NPAS3: variants seen among roughly 807,000 people sequenced by gnomAD.
The protein encoded by NPAS3 is neuronal PAS domain protein 3.
Under a neutral mutation model 73.1 loss-of-function variants are expected in NPAS3, and 14 were observed. That is an observed-to-expected ratio of 0.19 (90% CI 0.13 to 0.30). NPAS3 has a LOEUF of 0.30. Ranked by LOEUF, NPAS3 falls within the 10% of genes least tolerant of loss-of-function variation. The pLI is 1.00. For synonymous variants in NPAS3, 620 were observed against 541.5 expected (o/e 1.14, Z -2.01); for missense variants, 1,096 against 1,250.0 (o/e 0.88, Z 1.86).
At position 33,701,830 on chromosome 14, in the gene NPAS3, AT is replaced by A. The variant is rs2060530619; in HGVS notation, c.733+25448del. 1.3e-5 allele frequency among the ~76,000 whole-genome samples: 2 copies of A among 152,120 alleles called. 1 individual carries two copies. Among genetic ancestry groups the A allele is most frequent in the Admixed American group, 1.3e-4 (2 of 15,266 alleles). ...CAATTTGTGATTAGGTCATTGGTTC[AT>A]TTGTTTATTTAACCCAAATTCTGTG... On this transcript the variant is annotated intron_variant, in intron 6 of 11. Coordinates refer to ENST00000356141, the Ensembl canonical transcript of NPAS3.
intron 1 of NPAS3, among the ~76,000 whole-genome samples, chr14:33,019,615 G>T (rs1035886809): frequency 6.6e-6 from 1 of 152,188 alleles, no homozygotes; most frequent in African/African-American, 2.4e-5. Flanking sequence ...TGATTGATTT[G>T]CTGTGTGCAT....
In NPAS3 at chr14:33,684,087, G is replaced by C. The variant is rs376550537; in HGVS notation, c.733+7702G>C. On this transcript the variant is annotated intron_variant, in intron 6 of 11. Transcript: ENST00000356141. Reference sequence around the variant, plus strand: ...ACAATATTAGGGTTGCAGCAGGTGGGAAGCCTAGGAACTAGATGGAAAAAG... The same window carrying C: ...ACAATATTAGGGTTGCAGCAGGTGGCAAGCCTAGGAACTAGATGGAAAAAG... 3.4e-4 allele frequency among the ~76,000 whole-genome samples: 52 copies of C among 152,248 alleles called. 1 individual carries two copies. The South Asian group carries it at 0.01, about 30-fold the overall frequency.
chr14:33,500,856 A>G (rs2052477070), intron 4 of NPAS3, among the ~76,000 whole-genome samples: 1 of 152,000 alleles, frequency 6.6e-6, no homozygotes, highest in African/African-American at 2.4e-5. Flanking sequence ...AAAAGCCAGC[A>G]GTCCGTTGTA....
intron 3 of NPAS3, among the ~76,000 whole-genome samples, chr14:33,335,712 A>C (rs1266201175): frequency 1.3e-5 from 2 of 152,102 alleles, no homozygotes; most frequent in Non-Finnish European, 1.5e-5. Context: ...GTTTGAGTGG[A>C]CCTTCTGGCT....
At chr14:33,346,711 C>T (rs995692883) in intron 3 of NPAS3, among the ~76,000 whole-genome samples, 5 of 151,962 alleles carry the variant, frequency 3.3e-5, no homozygotes, top group African/African-American at 7.3e-5. Flanking sequence ...TAGGTGAGTC[C>T]GCAAAGCCTG....
At chr14:33,508,860 T>C (rs2052900083) in intron 4 of NPAS3, among the ~76,000 whole-genome samples, 1 of 151,948 alleles carries the variant, frequency 6.6e-6, no homozygotes, top group African/African-American at 2.4e-5. Flanking sequence ...ATGACCAGAC[T>C]TTGACATCAC....
intron 3 of NPAS3, among the ~76,000 whole-genome samples, chr14:33,285,739 C>T (rs1322545192): frequency 1.3e-5 from 2 of 152,228 alleles, no homozygotes; most frequent in Non-Finnish European, 2.9e-5. Flanking sequence ...GACATTTGTA[C>T]CTGCAGTGCC....
At chr14:33,631,358 G>C (rs973193586) in intron 5 of NPAS3, among the ~76,000 whole-genome samples, 8 of 152,206 alleles carry the variant, frequency 5.3e-5, no homozygotes, top group Non-Finnish European at 8.8e-5. Context: ...GTAAGACACA[G>C]GCAGAAATAC....
intron 3 of NPAS3, among the ~76,000 whole-genome samples, chr14:33,346,102 C>T (rs546707753): frequency 1.7e-4 from 26 of 151,688 alleles, no homozygotes; most frequent in Middle Eastern, 3.4e-3. Flanking sequence ...CATGGTGGCA[C>T]GTGCCTGTAA....
chr14:33,099,522 G>A (rs77101920), intron 2 of NPAS3, among the ~76,000 whole-genome samples: 1,607 of 152,212 alleles, frequency 0.011, 34 homozygotes, highest in African/African-American at 0.037. Flanking sequence ...ACTAGGAAAT[G>A]GTGATAGAGT....
In NPAS3 at chr14:33,111,576, A is replaced by C. The variant is rs535867671; in HGVS notation, c.140+55582A>C. 7.2e-5 allele frequency among the ~76,000 whole-genome samples: 11 copies of C among 152,170 alleles called. No individual in the cohort carries two copies. In the South Asian group the frequency reaches 2.3e-3, roughly 32 times the overall value. ...ATGTGCAGGTTTCCCAAAATAAAAG[A>C]GATGTGTTAGTTTGAATTTACTTTG... On this transcript the variant is annotated intron_variant, in intron 2 of 11. Transcript: ENST00000356141.
In NPAS3 at chr14:33,094,160, T is replaced by A. The variant is rs541995432; in HGVS notation, c.140+38166T>A. Among the ~76,000 whole-genome samples, 274 of 152,214 alleles carry A rather than the reference T, an allele frequency of 1.8e-3. 1 individual carries two copies. Among genetic ancestry groups the A allele is most frequent in the African/African-American group, 6.2e-3 (257 of 41,546 alleles). On this transcript the variant is annotated intron_variant, in intron 2 of 11. Coordinates refer to ENST00000356141, the Ensembl canonical transcript of NPAS3. ...CACCTTACAAAGCTAGTCATCCTCC[T>A]TTAGAAACACACTTTTGGGGGGAAA...
chr14:33,353,120 G>T (rs2045155424), intron 3 of NPAS3, among the ~76,000 whole-genome samples: 1 of 149,374 alleles, frequency 6.7e-6, no homozygotes, highest in South Asian at 2.1e-4. Flanking sequence ...CAGATAGAAA[G>T]TTCAACCTCA....
At position 33,578,690 on chromosome 14, in the gene NPAS3, T is replaced by G. The variant is rs978003692; in HGVS notation, c.558+18480T>G. ...AATCCTGCAATCAGGGGTTTTCCAA[T>G]GGGTCAGTCAATGCTGAAGTCTGTT... On this transcript the variant is annotated intron_variant, in intron 5 of 11. Coordinates refer to ENST00000356141, the Ensembl canonical transcript of NPAS3. 3.3e-5 allele frequency among the ~76,000 whole-genome samples: 5 copies of G among 152,324 alleles called. No individual in the cohort carries two copies. The South Asian group carries it at 8.3e-4, about 25-fold the overall frequency.
At chr14:33,793,695 C>T (rs542800914) in intron 9 of NPAS3, among the ~76,000 whole-genome samples, 2 of 152,306 alleles carry the variant, frequency 1.3e-5, no homozygotes, top group African/African-American at 2.4e-5. Flanking sequence ...TGCCAGTAAC[C>T]CTGGCTCCAG....
At chr14:33,536,275 C>A (rs555316034) in intron 4 of NPAS3, among the ~76,000 whole-genome samples, 18 of 152,166 alleles carry the variant, frequency 1.2e-4, no homozygotes, top group African/African-American at 4.3e-4. Flanking sequence ...TTTTTTAAAT[C>A]TTCAATGATA....
intron 4 of NPAS3, among the ~76,000 whole-genome samples, chr14:33,467,658 C>T (rs544150066): frequency 1.1e-4 from 17 of 152,278 alleles, no homozygotes; most frequent in Admixed American, 2.6e-4. Flanking sequence ...ATTTTGGCCT[C>T]GTCTAGGCAA....
intron 1 of NPAS3, among the ~76,000 whole-genome samples, chr14:32,945,620 G>A (rs779632507): frequency 3.9e-5 from 6 of 152,120 alleles, no homozygotes; most frequent in Admixed American, 6.5e-5. Flanking sequence ...AAGGGCCTGC[G>A]TTTTCAGACT....
At chr14:33,549,281 G>A (rs951891300) in intron 4 of NPAS3, among the ~76,000 whole-genome samples, 1 of 152,004 alleles carries the variant, frequency 6.6e-6, no homozygotes, top group Non-Finnish European at 1.5e-5. Flanking sequence ...ACTCAGGTTG[G>A]AGTGCAGTGG....
Sources: gnomAD v4.1 joint callset for allele counts (sites outside exome capture counted in the v4.1 genomes callset) on GRCh38, gnomAD v4.1.1 for gene constraint, MANE v1.5 for transcripts, NCBI Gene and HGNC (gene_info 2026-07-23, HGNC 2026-07-21) for gene names.